Variants in ITGA4 observed in about 807,000 individuals in gnomAD.
ITGA4 encodes the protein integrin alpha-4.
Under a neutral mutation model 133.6 loss-of-function variants are expected in ITGA4, and 63 were observed. That is an observed-to-expected ratio of 0.47 (90% CI 0.38 to 0.58). ITGA4 has a LOEUF of 0.58. Ranked by LOEUF, ITGA4 falls within the 20% of genes least tolerant of loss-of-function variation. The pLI is 0.00. For synonymous variants in ITGA4, 483 were observed against 438.0 expected (o/e 1.10, Z -1.28); for missense variants, 1,076 against 1,252.7 (o/e 0.86, Z 2.13).
intron 21 of ITGA4, among the ~76,000 whole-genome samples, chr2:181,526,665 A>C (rs1559056733): frequency 6.6e-6 from 1 of 152,048 alleles, no homozygotes; most frequent in Non-Finnish European, 1.5e-5. Context: ...AAAACTAAGA[A>C]GTTATCCCAC....
intron 15 of ITGA4, among the ~76,000 whole-genome samples, chr2:181,507,759 C>T (rs1686423300): frequency 1.3e-5 from 2 of 151,938 alleles, no homozygotes; most frequent in African/African-American, 4.8e-5. Context: ...GGAATAATGA[C>T]AAGAAAAAAA....
intron 2 of ITGA4, among the ~76,000 whole-genome samples, chr2:181,472,268 C>A (rs1213566895): frequency 6.6e-6 from 1 of 152,208 alleles, no homozygotes; most frequent in Non-Finnish European, 1.5e-5. Flanking sequence ...TAACAATACA[C>A]TATTTTTGCA....
Position 181,522,179 on chromosome 2 carries a change from CTTAA to C in ITGA4, c.1923-9_1923-6del, listed in dbSNP as rs1408083811. Reference sequence around the variant, plus strand: ...CCTAAACAAGAACTAAATAATATTACTTAATTTTTAGGCCCCATGAAAATAAAAC... The same window carrying C: ...CCTAAACAAGAACTAAATAATATTACTTTTTAGGCCCCATGAAAATAAAAC... On this transcript the variant is annotated splice_region_variant and splice_polypyrimidine_tract_variant and intron_variant, in intron 17 of 27. Coordinates refer to ENST00000397033, the MANE Select transcript of ITGA4 (RefSeq NM_000885.6). 2 of 1,515,844 alleles carry C rather than the reference CTTAA, an allele frequency of 1.3e-6. No individual in the cohort carries two copies. Among genetic ancestry groups the C allele is most frequent in the Non-Finnish European group, 1.8e-6 (2 of 1,107,490 alleles). The allele number at this position is 1,515,844 out of a possible 1,614,324, so 93.9% of individuals were successfully genotyped here.
In ITGA4 at chr2:181,535,412, TTATGTTATGCTA is replaced by T; in HGVS notation, c.3004-18_3004-7del. On this transcript the variant is annotated splice_region_variant and splice_polypyrimidine_tract_variant and intron_variant, in intron 27 of 27. Coordinates refer to ENST00000397033, the MANE Select transcript of ITGA4 (RefSeq NM_000885.6). ...AGTGTTCATAACTATACACTAGTGA[TTATGTTATGCTA>T]TTTTCAGGCTGGCTTCTTTAAAAGA... The T allele has an allele frequency of 6.3e-7, 1 of 1,575,288 alleles. No homozygotes were observed. Among genetic ancestry groups the T allele is most frequent in the Middle Eastern group, 1.7e-4 (1 of 5,812 alleles).
chr2:181,506,006 A>G (rs1251977874), intron 15 of ITGA4, among the ~76,000 whole-genome samples: 4 of 152,120 alleles, frequency 2.6e-5, no homozygotes, highest in African/African-American at 7.2e-5. Context: ...CAGCATTCCT[A>G]TACGGTCAAA....
chr2:181,481,760 C>A, intron 7 of ITGA4, 77 bp downstream of exon 7: 1 of 564,552 alleles, frequency 1.8e-6, no homozygotes, highest in Non-Finnish European at 3.1e-6. Context: ...AAAGGAGAAA[C>A]TGTGAATGTT....
At chr2:181,506,131 G>A (rs758775092) in intron 15 of ITGA4, among the ~76,000 whole-genome samples, 3 of 151,996 alleles carry the variant, frequency 2.0e-5, no homozygotes, top group East Asian at 1.9e-4. Context: ...TCTAAATACC[G>A]TTTAATAAAT....
intron 14 of ITGA4, chr2:181,498,296 T>A (rs911220754): frequency 6.2e-6 from 1 of 161,666 alleles, no homozygotes; most frequent in Non-Finnish European, 1.3e-5. Flanking sequence ...AAAAAAGGAA[T>A]ATGAAACATG....
intron 21 of ITGA4, among the ~76,000 whole-genome samples, chr2:181,526,891 G>GT (rs1367602970): frequency 3.0e-5 from 4 of 134,798 alleles, no homozygotes; most frequent in Non-Finnish European, 6.1e-5. Context: ...GAGGGCAGCG[G>GT]TGTGACCTCA....
At chr2:181,483,070 T>C (rs1027125385) in intron 9 of ITGA4, among the ~76,000 whole-genome samples, 1 of 152,208 alleles carries the variant, frequency 6.6e-6, no homozygotes, top group African/African-American at 2.4e-5. Flanking sequence ...ATTAAGTATT[T>C]TCAATTTCTT....
Position 181,485,947 on chromosome 2 carries a change from G to T in ITGA4, c.1108G>T (p.Glu370Ter), listed in dbSNP as rs757218553. 1.9e-6 allele frequency: 3 copies of T among 1,605,144 alleles called. No homozygotes were observed. Among genetic ancestry groups the T allele is most frequent in the Admixed American group, 3.5e-5 (2 of 57,118 alleles). Residue 370 changes from glutamate (E) to a stop codon, truncating the protein, a stop_gained, in exon 10 of 28, where the codon GAA becomes TAA. Transcript: ENST00000397033. LOFTEE classifies it high-confidence loss of function. ...TGACAAATATGCTGCAAGATTTGGGGAATCTATAGTTAATCTTGGCGACAT... is the reference window on the plus strand; with the variant it reads ...TGACAAATATGCTGCAAGATTTGGGTAATCTATAGTTAATCTTGGCGACAT... ...GSDKYAARFG[E>*]SIVNLGDIDN...
rs199686726 is a variant in ITGA4, at chr2:181,475,142, A to C, written c.427-17A>C. On this transcript the variant is annotated splice_polypyrimidine_tract_variant and intron_variant, in intron 3 of 27. Coordinates refer to ENST00000397033, the MANE Select transcript of ITGA4 (RefSeq NM_000885.6). ...GTGCAGCTTTCACATCATTTGGTCT[A>C]CTTTTATTTTATTCAGACTTGTGGG... The C allele has an allele frequency of 8.7e-6, 14 of 1,613,398 alleles. No individual in the cohort carries two copies. The highest frequency in any genetic ancestry group is 1.1e-5 in the Non-Finnish European group (13 of 1,179,742).
chr2:181,480,310 AT>A (rs772150596), intron 6 of ITGA4, 44 bp downstream of exon 6: 1 of 1,029,012 alleles, frequency 9.7e-7, no homozygotes, highest in East Asian at 2.7e-5. Flanking sequence ...TGCCTTACAA[AT>A]ACTAGTACTG....
Position 181,538,241 on chromosome 2 carries a change from C to T in ITGA4, c.*2714C>T, listed in dbSNP as rs1174147168. The T allele has an allele frequency of 1.3e-6, 2 of 1,570,340 alleles. No individual in the cohort carries two copies. The highest frequency in any genetic ancestry group is 1.1e-5 in the South Asian group (1 of 90,052). ...CATAAAGACTGATAAGTCTTGGATGCAATCTGTAAAGAAAATACATTATTT... is the reference window on the plus strand; with the variant it reads ...CATAAAGACTGATAAGTCTTGGATGTAATCTGTAAAGAAAATACATTATTT... On this transcript the variant is annotated 3_prime_UTR_variant, in exon 28 of 28. Coordinates refer to ENST00000397033, the MANE Select transcript of ITGA4 (RefSeq NM_000885.6).
At chr2:181,458,560 AT>A (rs1685191033) in intron 2 of ITGA4, 2 of 508,662 alleles carry the variant, frequency 3.9e-6, no homozygotes, top group South Asian at 4.9e-5. Context: ...TGCTAGAGAA[AT>A]TTCTTATGAT....
intron 20 of ITGA4, 51 bp downstream of exon 20, chr2:181,524,301 A>T: frequency 9.9e-7 from 1 of 1,006,800 alleles, no homozygotes; most frequent in Non-Finnish European, 1.5e-6. Flanking sequence ...CCATATTCTG[A>T]GGGGGGGGAA....
chr2:181,531,177 CCAA>C (rs1686938099), intron 24 of ITGA4, among the ~76,000 whole-genome samples: 1 of 152,056 alleles, frequency 6.6e-6, no homozygotes, highest in Admixed American at 6.6e-5. Flanking sequence ...CCACTATTTG[CCAA>C]CAAGACATTG....
chr2:181,458,092 AGGTGG>A, intron 1 of ITGA4, 99 bp from the exon 2 acceptor site: 1 of 1,475,978 alleles, frequency 6.8e-7, no homozygotes, highest in Non-Finnish European at 9.4e-7. Flanking sequence ...GCGGAGGAGG[AGGTGG>A]GGAAGCTGCC....
intron 2 of ITGA4, among the ~76,000 whole-genome samples, chr2:181,466,310 T>C (rs759169628): frequency 2.0e-5 from 3 of 152,110 alleles, no homozygotes; most frequent in Admixed American, 6.6e-5. Flanking sequence ...AAAAAATAGC[T>C]GAAATAACTG....
Sources: gnomAD v4.1 joint callset for allele counts (sites outside exome capture counted in the v4.1 genomes callset) on GRCh38, gnomAD v4.1.1 for gene constraint, MANE v1.5 for transcripts, NCBI Gene and HGNC (gene_info 2026-07-23, HGNC 2026-07-21) for gene names.